The following RBFOX3 variants were observed in gnomAD, a reference collection of about 807,000 sequenced individuals.
RBFOX3 encodes the protein RNA binding protein fox-1 homolog 3.
Under a neutral mutation model 48.7 loss-of-function variants are expected in RBFOX3, and 17 were observed. The observed-to-expected ratio is 0.35, with a 90% confidence interval of 0.24 to 0.52. The LOEUF (loss-of-function observed/expected upper bound fraction) is 0.52, where lower values mean the gene tolerates loss of function less well. Among genes scored for constraint, RBFOX3 ranks in the 20% least tolerant of loss-of-function variants. The pLI is 0.94. For synonymous variants in RBFOX3, 212 were observed against 209.5 expected (o/e 1.01, Z -0.10); for missense variants, 382 against 497.5 (o/e 0.77, Z 2.21).
At chr17:79,417,061 C>T (rs1438074564) in intron 2 of RBFOX3, among the ~76,000 whole-genome samples, 1 of 152,240 alleles carries the variant, frequency 6.6e-6, no homozygotes, top group Non-Finnish European at 1.5e-5. Flanking sequence ...CCGCTCTCCC[C>T]AGCTCTGCAT....
Position 79,130,963 on chromosome 17 carries a change from TCTGCGTGCC to T in RBFOX3, c.-33-15224_-33-15216del, listed in dbSNP as rs1228868459. On this transcript the variant is annotated intron_variant, in intron 4 of 14. Coordinates refer to ENST00000693108, the MANE Select transcript of RBFOX3 (RefSeq NM_001350451.2). The stretch of plus-strand genomic sequence containing the variant: ...GCCCCGCACCTGCAAGGCAGCGTGC[TCTGCGTGCC>T]CTGCGTGTGCCCCATGTGTACTGTG... 3.9e-5 allele frequency among the ~76,000 whole-genome samples: 6 copies of T among 152,384 alleles called. No homozygotes were observed. In the East Asian group the frequency reaches 9.6e-4, roughly 24 times the overall value.
rs141192539 is a variant in RBFOX3, at chr17:79,283,065, G to C, written c.-74+24659C>G. Among the ~76,000 whole-genome samples, 538 of 151,872 alleles carry C rather than the reference G, an allele frequency of 3.5e-3. 1 individual carries two copies. The highest frequency in any genetic ancestry group is 6.8e-3 in the Middle Eastern group (2 of 294). On this transcript the variant is annotated intron_variant, in intron 3 of 14. Transcript: ENST00000693108. Reference sequence around the variant, plus strand: ...TTTGTTTTCAAGGCAGGCCTGGAAAGTTTTCATTTTCAGGAAAGAAATCAA... The same window carrying C: ...TTTGTTTTCAAGGCAGGCCTGGAAACTTTTCATTTTCAGGAAAGAAATCAA...
intron 4 of RBFOX3, among the ~76,000 whole-genome samples, chr17:79,187,318 G>C (rs1300308311): frequency 6.6e-6 from 1 of 152,168 alleles, no homozygotes; most frequent in East Asian, 1.9e-4. Context: ...CCCCTTCCAG[G>C]CGCCCAGGCC....
intron 1 of RBFOX3, among the ~76,000 whole-genome samples, chr17:79,486,559 G>A (rs1013943034): frequency 3.9e-5 from 6 of 152,080 alleles, no homozygotes; most frequent in Admixed American, 6.5e-5. Context: ...ATATGCACAC[G>A]AGCACAGACG....
chr17:79,656,597 G>C, the RBFOX3 span, among the ~76,000 whole-genome samples: 1 of 140,898 alleles, frequency 7.1e-6, no homozygotes, highest in Non-Finnish European at 1.5e-5. Context: ...CTGGGTGACA[G>C]AGTGAGCCAA....
chr17:79,612,054 G>A (rs2093973650), upstream of RBFOX3, among the ~76,000 whole-genome samples: 2 of 152,166 alleles, frequency 1.3e-5, no homozygotes, highest in African/African-American at 4.8e-5. Context: ...GGGACCCTCT[G>A]GAAAGGCAGG....
At position 79,220,132 on chromosome 17, in the gene RBFOX3, G is replaced by C. The variant is rs936539117; in HGVS notation, c.-34+15634C>G. ...TGAGCTTCCCAACATTTCAGCCCCAGATCTGCCCAGAGTGAGAAAGCAACA... is the reference window on the plus strand; with the variant it reads ...TGAGCTTCCCAACATTTCAGCCCCACATCTGCCCAGAGTGAGAAAGCAACA... On this transcript the variant is annotated intron_variant, in intron 4 of 14. Coordinates refer to ENST00000693108, the MANE Select transcript of RBFOX3 (RefSeq NM_001350451.2). The surrounding 1 kb of genome is among the most constrained non-coding windows in gnomAD (Gnocchi z 5.9). 6.6e-6 allele frequency among the ~76,000 whole-genome samples: 1 copy of C among 152,212 alleles called. No individual in the cohort carries two copies. Among genetic ancestry groups the C allele is most frequent in the African/African-American group, 2.4e-5 (1 of 41,452 alleles).
intron 1 of RBFOX3, among the ~76,000 whole-genome samples, chr17:79,608,295 G>A (rs928506450): frequency 1.7e-3 from 252 of 152,354 alleles, no homozygotes; most frequent in African/African-American, 5.6e-3. Flanking sequence ...ACTGGGTGCG[G>A]AGCATTTGCC....
upstream of RBFOX3, among the ~76,000 whole-genome samples, chr17:79,614,493 G>A (rs1253651835): frequency 6.6e-6 from 1 of 152,054 alleles, no homozygotes; most frequent in Non-Finnish European, 1.5e-5. Context: ...CCTAAGGTGA[G>A]TAAAAAGCCA....
At chr17:79,117,266 T>A (rs2034309180) in intron 4 of RBFOX3, among the ~76,000 whole-genome samples, 1 of 152,204 alleles carries the variant, frequency 6.6e-6, no homozygotes, top group African/African-American at 2.4e-5. Context: ...CCTGCTCAGA[T>A]GTGGATGGGT....
intron 2 of RBFOX3, among the ~76,000 whole-genome samples, chr17:79,432,957 C>T (rs181756858): frequency 6.8e-4 from 104 of 152,262 alleles, no homozygotes; most frequent in Non-Finnish European, 2.2e-4. Flanking sequence ...CGGTCGCTCT[C>T]CTCCCTCTTC....
At chr17:79,187,143 A>C (rs758112926) in intron 4 of RBFOX3, among the ~76,000 whole-genome samples, 2 of 152,250 alleles carry the variant, frequency 1.3e-5, no homozygotes, top group African/African-American at 2.4e-5. Context: ...GGGCCAAATG[A>C]GTCCTGTGGT....
At chr17:79,491,038 G>T (rs1314565342) in intron 1 of RBFOX3, among the ~76,000 whole-genome samples, 1 of 101,980 alleles carries the variant, frequency 9.8e-6, no homozygotes, top group Non-Finnish European at 2.0e-5. Flanking sequence ...AGAGGAGAGG[G>T]GAGGGGAGGA....
At position 79,218,521 on chromosome 17, in the gene RBFOX3, C is replaced by G. The variant is rs183519591; in HGVS notation, c.-34+17245G>C. On this transcript the variant is annotated intron_variant, in intron 4 of 14. Coordinates refer to ENST00000693108, the MANE Select transcript of RBFOX3 (RefSeq NM_001350451.2). ...CGAGCGTGGCTGAGGACAGGCAGAG[C>G]CCCTGCTGGGGAGAGGGGGAGTTCT... Among the ~76,000 whole-genome samples, 3 of 152,304 alleles carry G rather than the reference C, an allele frequency of 2.0e-5. No homozygotes were observed. In the South Asian group the frequency reaches 6.2e-4, roughly 32 times the overall value.
intron 4 of RBFOX3, among the ~76,000 whole-genome samples, chr17:79,143,382 G>T (rs866590836): frequency 6.9e-6 from 1 of 145,002 alleles, no homozygotes; most frequent in East Asian, 2.0e-4. Context: ...GCGGGGGGTG[G>T]GGGGGGGTTC....
intron 4 of RBFOX3, among the ~76,000 whole-genome samples, chr17:79,161,672 T>C (rs1489516965): frequency 6.6e-6 from 1 of 152,214 alleles, no homozygotes; most frequent in East Asian, 1.9e-4. Context: ...CTTGTTTCAC[T>C]GCAACCTCCG....
the RBFOX3 span, among the ~76,000 whole-genome samples, chr17:79,621,960 C>T: frequency 6.6e-6 from 1 of 152,182 alleles, no homozygotes; most frequent in African/African-American, 2.4e-5. Context: ...CAGAGAAGAC[C>T]GCAAGCTAAT....
intron 1 of RBFOX3, among the ~76,000 whole-genome samples, chr17:79,512,740 G>A (rs375464428): frequency 6.9e-6 from 1 of 144,506 alleles, no homozygotes; most frequent in Non-Finnish European, 1.5e-5. Context: ...TGTTACCATC[G>A]GGTACGGCCC....
At chr17:79,377,649 G>A (rs1006302020) in intron 2 of RBFOX3, among the ~76,000 whole-genome samples, 1 of 152,206 alleles carries the variant, frequency 6.6e-6, no homozygotes, top group African/African-American at 2.4e-5. Context: ...TGTCCACGGG[G>A]GAGGGGCATC....
Sources: allele counts gnomAD v4.1 joint callset (sites outside exome capture counted in the v4.1 genomes callset), GRCh38; gene constraint gnomAD v4.1.1; non-coding constraint Gnocchi (gnomAD v3.1); transcripts MANE v1.5; gene names NCBI Gene and HGNC (gene_info 2026-07-23, HGNC 2026-07-21).